Variants in RSF1 observed in about 807,000 individuals in gnomAD.
RSF1 encodes remodeling and spacing factor 1.
Under a neutral mutation model 145.2 loss-of-function variants are expected in RSF1, and 13 were observed. The ratio of observed to expected loss-of-function variants is 0.09; its 90% CI spans 0.06 to 0.14. RSF1 has a LOEUF of 0.14. RSF1 is among the 10% of genes least tolerant of loss of function. The pLI, the probability that RSF1 is intolerant of heterozygous loss-of-function variation, is 1.00. For missense variants in RSF1, 1,517 were observed against 1,718.2 expected (o/e 0.88, Z 2.07); for synonymous variants, 577 against 592.6 (o/e 0.97, Z 0.38).
intron 1 of RSF1, among the ~76,000 whole-genome samples, chr11:77,791,082 G>A (rs918229258): frequency 2.6e-5 from 4 of 152,194 alleles, no homozygotes; most frequent in Admixed American, 2.0e-4. Flanking sequence ...CCCTAGCAGA[G>A]GTTCTCCACC....
chr11:77,760,875 T>C (rs1948164049), intron 2 of RSF1, among the ~76,000 whole-genome samples: 2 of 152,062 alleles, frequency 1.3e-5, no homozygotes, highest in South Asian at 4.1e-4. Context: ...TGTTGAGGGG[T>C]AGAAAAACAC....
chr11:77,778,695 TA>T (rs1428432441), intron 1 of RSF1, among the ~76,000 whole-genome samples: 1 of 152,200 alleles, frequency 6.6e-6, no homozygotes, highest in Non-Finnish European at 1.5e-5. Flanking sequence ...TGCCCAGGAC[TA>T]AATGGACTCT....
rs1335069656 is a variant in RSF1 at position 77,701,101 on chromosome 11, A to C, written c.2128T>G (p.Leu710Val). The change falls in exon 6 of 16, where the codon TTG (leucine) becomes GTG (valine). Residue 710 changes from leucine to valine, a missense_variant. Coordinates refer to ENST00000308488, the MANE Select transcript of RSF1 (RefSeq NM_016578.4). ...SMQKSKFKYK[L>V]VPEEETTASE... Reference sequence around the variant, plus strand: ...GCAGTGGTTTCTTCTTCAGGAACCAACTTATATTTGAATTTGCTTTTTTGC... The same window carrying C: ...GCAGTGGTTTCTTCTTCAGGAACCACCTTATATTTGAATTTGCTTTTTTGC... 2 of 1,613,504 alleles carry C rather than the reference A, an allele frequency of 1.2e-6. No individual in the cohort carries two copies. Among genetic ancestry groups the C allele is most frequent in the Admixed American group, 3.3e-5 (2 of 59,852 alleles).
At chr11:77,798,306 C>A (rs769030502) in intron 1 of RSF1, among the ~76,000 whole-genome samples, 5 of 151,872 alleles carry the variant, frequency 3.3e-5, no homozygotes, top group Admixed American at 6.6e-5. Context: ...GCACACAGGC[C>A]GGAAGCAGTG....
intron 1 of RSF1, among the ~76,000 whole-genome samples, chr11:77,790,324 G>C (rs1270745056): frequency 6.6e-6 from 1 of 152,090 alleles, no homozygotes; most frequent in Non-Finnish European, 1.5e-5. Context: ...ATGAGACTTA[G>C]TTATTATCAT....
At chr11:77,867,235 T>C in the RSF1 span, among the ~76,000 whole-genome samples, 1 of 152,214 alleles carries the variant, frequency 6.6e-6, no homozygotes, top group East Asian at 1.9e-4. Context: ...GCCCATTTGT[T>C]ATCTCTTTGA....
At position 77,671,940 on chromosome 11, in the gene RSF1, T is replaced by C. The variant is rs547959292; in HGVS notation, c.3751+102A>G. On this transcript the variant is annotated intron_variant, in intron 15 of 15. Transcript: ENST00000308488. ...TGAGCCACCATGCCTGGCCTGGTTATATGAGTTTCAAAGAATGGTACAGAA... is the reference window on the plus strand; with the variant it reads ...TGAGCCACCATGCCTGGCCTGGTTACATGAGTTTCAAAGAATGGTACAGAA... 46 of 1,116,802 alleles carry C rather than the reference T, an allele frequency of 4.1e-5. No homozygotes were observed. The African/African-American group carries it at 6.3e-4, about 15-fold the overall frequency. The allele number at this position is 1,116,802 out of a possible 1,614,324, so 69.2% of individuals were successfully genotyped here.
chr11:77,762,061 A>AT (rs1408552353), intron 2 of RSF1: 7 of 59,564 alleles, frequency 1.2e-4, no homozygotes, highest in Admixed American at 2.2e-4. Flanking sequence ...TAGAGATGGG[A>AT]TTTTGCCATG....
chr11:77,810,205 C>T (rs746314212), intron 1 of RSF1, among the ~76,000 whole-genome samples: 2 of 152,234 alleles, frequency 1.3e-5, no homozygotes, highest in Non-Finnish European at 2.9e-5. Context: ...ACCTTACCCT[C>T]CCCTAATCAG....
chr11:77,759,916 T>C (rs1948155054), intron 2 of RSF1, among the ~76,000 whole-genome samples: 4 of 151,420 alleles, frequency 2.6e-5, no homozygotes, highest in African/African-American at 9.7e-5. Flanking sequence ...TGTTATCTAT[T>C]ATCATTATTA....
At chr11:77,725,377 T>A (rs897713028) in intron 5 of RSF1, among the ~76,000 whole-genome samples, 168 bp downstream of exon 5, 7 of 152,234 alleles carry the variant, frequency 4.6e-5, no homozygotes, top group Non-Finnish European at 8.8e-5. Flanking sequence ...ACATATTTAA[T>A]ATTTTTGGCC....
At chr11:77,847,403 C>T in the RSF1 span, among the ~76,000 whole-genome samples, 2 of 152,062 alleles carry the variant, frequency 1.3e-5, no homozygotes, top group Non-Finnish European at 2.9e-5. Context: ...AAAATTAGGC[C>T]CCACATAGAA....
In RSF1 at chr11:77,738,095, C is replaced by T. The variant is rs1961410591; in HGVS notation, c.578+2636G>A. On this transcript the variant is annotated intron_variant, in intron 4 of 15. Transcript: ENST00000308488. ...AGTGAGCCAAGATCGCGCCACTGCACTCCCGCCTGGGCGACAGAGTGAGAC... is the reference window on the plus strand; with the variant it reads ...AGTGAGCCAAGATCGCGCCACTGCATTCCCGCCTGGGCGACAGAGTGAGAC... Among the ~76,000 whole-genome samples, 3 of 152,216 alleles carry T rather than the reference C, an allele frequency of 2.0e-5. 1 individual carries two copies. The highest frequency in any genetic ancestry group is 7.2e-5 in the African/African-American group (3 of 41,452).
intron 9 of RSF1, among the ~76,000 whole-genome samples, chr11:77,685,546 T>C (rs999070734): frequency 6.6e-6 from 1 of 152,250 alleles, no homozygotes; most frequent in Non-Finnish European, 1.5e-5. Context: ...TCCACCCACC[T>C]TGACCTCTCA....
At chr11:77,741,700 G>T (rs1378745902) in intron 3 of RSF1, among the ~76,000 whole-genome samples, 2 of 152,046 alleles carry the variant, frequency 1.3e-5, no homozygotes, top group Non-Finnish European at 2.9e-5. Context: ...ATTTTTGGTG[G>T]TGAGAACATT....
chr11:77,815,744 T>G (rs1024547164), intron 1 of RSF1, among the ~76,000 whole-genome samples: 1 of 142,586 alleles, frequency 7.0e-6, no homozygotes, highest in Non-Finnish European at 1.6e-5. Context: ...TTTAATGTTT[T>G]TTTAAAAAAA....
rs1218073216 is a variant in RSF1 at position 77,667,370 on chromosome 11, C to T, written c.3873G>A (p.Glu1291=). 1.9e-6 allele frequency: 3 copies of T among 1,613,720 alleles called. No individual in the cohort carries two copies. In the African/African-American group the frequency reaches 4.0e-5, roughly 22 times the overall value. Residue 1291 remains glutamate (E), a synonymous_variant, in exon 16 of 16, where the codon GAG becomes GAA. Transcript: ENST00000308488. ...YSEADEEEEE[E]EGKPSRKRLH... ...GCCGTTTGCGGGATGGTTTGCCTTC[C>T]TCTTCCTCCTCCTCCTCATCTGCTT...
chr11:77,779,354 C>T (rs956840119), intron 1 of RSF1, among the ~76,000 whole-genome samples: 3 of 151,858 alleles, frequency 2.0e-5, no homozygotes, highest in Non-Finnish European at 4.4e-5. Flanking sequence ...ACTATAGGCA[C>T]ACCACTATGC....
intron 1 of RSF1, among the ~76,000 whole-genome samples, chr11:77,820,090 G>T (rs1192202139): frequency 2.0e-5 from 3 of 152,210 alleles, no homozygotes; most frequent in Admixed American, 2.0e-4. Context: ...AGATGGTCGG[G>T]AAGACTGGTG....
Sources: gnomAD v4.1 joint callset for allele counts (sites outside exome capture counted in the v4.1 genomes callset) on GRCh38, gnomAD v4.1.1 for gene constraint, MANE v1.5 for transcripts, NCBI Gene and HGNC (gene_info 2026-07-23, HGNC 2026-07-21) for gene names.